MED13L: variants seen among roughly 807,000 people sequenced by gnomAD.
MED13L encodes mediator complex subunit 13L, also known as mediator of RNA polymerase II transcription subunit 13-like.
MED13L carries 7 observed loss-of-function variants against 220.9 expected under a neutral mutation model. The observed-to-expected ratio is 0.03, with a 90% CI of 0.02 to 0.06. The LOEUF (loss-of-function observed/expected upper bound fraction) is 0.06, where lower values mean the gene tolerates loss of function less well. MED13L is among the 10% of genes least tolerant of loss of function. The pLI is 1.00. For synonymous variants in MED13L, 1,011 were observed against 1,015.2 expected (o/e 1.00, Z 0.08); for missense variants, 1,965 against 2,760.5 (o/e 0.71, Z 6.46).
At chr12:116,031,896 A>G (rs1198907774) in intron 4 of MED13L, among the ~76,000 whole-genome samples, 1 of 152,086 alleles carries the variant, frequency 6.6e-6, no homozygotes, top group Admixed American at 6.5e-5. Flanking sequence ...TAGACAATAC[A>G]TAGACTAAGA....
chr12:116,029,702 G>A (rs1006786421), intron 4 of MED13L, among the ~76,000 whole-genome samples: 1 of 152,060 alleles, frequency 6.6e-6, no homozygotes, highest in Non-Finnish European at 1.5e-5. Context: ...TCATGAACAT[G>A]TACACAGCCA....
In MED13L at chr12:116,008,610, G is replaced by A. The variant is rs148895195; in HGVS notation, c.1803C>T (p.Leu601=). 1.4e-5 allele frequency: 22 copies of A among 1,613,944 alleles called. No homozygotes were observed. The highest frequency in any genetic ancestry group is 1.6e-4 in the Middle Eastern group (1 of 6,084). The part of the protein sequence containing the change: ...QLSTLDDRTV[L]VGQRLPLMAE... ...CCATGAGAGGCAGTCTTTGGCCTACGAGGACAGTTCTGTCATCCAGAGTAG... is the reference window on the plus strand; with the variant it reads ...CCATGAGAGGCAGTCTTTGGCCTACAAGGACAGTTCTGTCATCCAGAGTAG... Residue 601 remains leucine (L), a synonymous_variant, in exon 10 of 31, where the codon CTC becomes CTT. Coordinates refer to ENST00000281928, the MANE Select transcript of MED13L (RefSeq NM_015335.5).
intron 4 of MED13L, among the ~76,000 whole-genome samples, chr12:116,056,105 G>A (rs1868948695): frequency 2.0e-5 from 3 of 151,990 alleles, no homozygotes; most frequent in African/African-American, 7.3e-5. Flanking sequence ...AGTTTGTTAG[G>A]GTAGGACCCT....
intron 2 of MED13L, among the ~76,000 whole-genome samples, chr12:116,218,089 C>T (rs1049358917): frequency 6.6e-5 from 10 of 152,178 alleles, no homozygotes; most frequent in Admixed American, 6.6e-4. Flanking sequence ...TAAAGAGATT[C>T]AATAGCATAA....
rs186982996 is a variant in MED13L, at chr12:115,995,805, A to G, written c.2996+671T>C. ...TCTAACTCAAAGCCTGTTTTACAAT[A>G]AAGTGCTGACTATCTCGTGTAATTT... is the stretch of plus-strand genomic sequence containing the variant. On this transcript the variant is annotated intron_variant, in intron 16 of 30. Coordinates refer to ENST00000281928, the MANE Select transcript of MED13L (RefSeq NM_015335.5). Among the ~76,000 whole-genome samples, 259 of 152,312 alleles carry G rather than the reference A, an allele frequency of 1.7e-3. 1 individual carries two copies. Among genetic ancestry groups the G allele is most frequent in the Non-Finnish European group, 2.0e-3 (133 of 68,026 alleles).
chr12:116,101,733 T>C (rs1873081363), intron 3 of MED13L, among the ~76,000 whole-genome samples: 1 of 152,194 alleles, frequency 6.6e-6, no homozygotes, highest in African/African-American at 2.4e-5. Flanking sequence ...AAAAGTTACA[T>C]CAGAAATATA....
At chr12:116,043,327 G>A (rs963898789) in intron 4 of MED13L, among the ~76,000 whole-genome samples, 1 of 152,156 alleles carries the variant, frequency 6.6e-6, no homozygotes, top group Non-Finnish European at 1.5e-5. Flanking sequence ...TCCACTTTCA[G>A]TCAAGATCAC....
chr12:116,008,241 G>A, intron 10 of MED13L, 160 bp downstream of exon 10: 8 of 1,030,370 alleles, frequency 7.8e-6, no homozygotes, highest in Non-Finnish European at 9.6e-6. Context: ...CCTATAAGTA[G>A]GACAAAGCAT....
chr12:116,138,146 A>G (rs1876740442), intron 2 of MED13L, among the ~76,000 whole-genome samples: 1 of 152,128 alleles, frequency 6.6e-6, no homozygotes, highest in African/African-American at 2.4e-5. Context: ...GTGAGCCACC[A>G]CGCCCGGCCT....
chr12:116,108,568 A>C (rs1302888478), intron 3 of MED13L, among the ~76,000 whole-genome samples: 1 of 152,224 alleles, frequency 6.6e-6, no homozygotes, highest in Non-Finnish European at 1.5e-5. Flanking sequence ...ATTTTCATTC[A>C]TAGAACAAAG....
At chr12:116,054,859 T>A (rs150626023) in intron 4 of MED13L, among the ~76,000 whole-genome samples, 1 of 152,194 alleles carries the variant, frequency 6.6e-6, no homozygotes, top group Admixed American at 6.5e-5. Context: ...CCTAGGTATA[T>A]ACCCAATAGA....
intron 1 of MED13L, among the ~76,000 whole-genome samples, chr12:116,247,138 G>A (rs533239679): frequency 6.6e-6 from 1 of 151,952 alleles, no homozygotes; most frequent in Non-Finnish European, 1.5e-5. Context: ...TGCTTCTAAA[G>A]AAGGTAAAAT....
chr12:116,260,025 G>C (rs1872390495), intron 1 of MED13L, among the ~76,000 whole-genome samples: 1 of 152,164 alleles, frequency 6.6e-6, no homozygotes, highest in Non-Finnish European at 1.5e-5. Flanking sequence ...AGAAGAATTG[G>C]GGTAAATCTG....
intron 4 of MED13L, among the ~76,000 whole-genome samples, chr12:116,082,189 TTTTC>T (rs762885050): frequency 2.0e-4 from 30 of 152,338 alleles, no homozygotes; most frequent in Non-Finnish European, 3.5e-4. Context: ...TTCTTTCTAA[TTTTC>T]TTTATTTCAT....
At chr12:116,275,432 T>C (rs923796398) in intron 1 of MED13L, among the ~76,000 whole-genome samples, 3 of 152,224 alleles carry the variant, frequency 2.0e-5, no homozygotes, top group Admixed American at 6.5e-5. Context: ...CTGATTTTAC[T>C]AGAGTGGGAG....
At chr12:115,996,124 T>C (rs1422908700) in intron 16 of MED13L, among the ~76,000 whole-genome samples, 1 of 152,060 alleles carries the variant, frequency 6.6e-6, no homozygotes, top group Non-Finnish European at 1.5e-5. Flanking sequence ...AGAGTCTCAC[T>C]CTGTCGCCCA....
intron 2 of MED13L, among the ~76,000 whole-genome samples, chr12:116,193,442 C>G (rs924750373): frequency 6.6e-6 from 1 of 152,158 alleles, no homozygotes; most frequent in Non-Finnish European, 1.5e-5. Flanking sequence ...TAAACTCAAG[C>G]ACAAATATCA....
chr12:116,076,469 G>A (rs1021244942), intron 4 of MED13L, among the ~76,000 whole-genome samples: 2 of 152,114 alleles, frequency 1.3e-5, no homozygotes, highest in Admixed American at 6.5e-5. Flanking sequence ...CCCAGGAGTT[G>A]GAGGCTGCAG....
chr12:116,035,583 T>TATTA (rs540596214), intron 4 of MED13L, among the ~76,000 whole-genome samples: 3 of 152,026 alleles, frequency 2.0e-5, no homozygotes, highest in Non-Finnish European at 2.9e-5. Flanking sequence ...ACTATATTCT[T>TATTA]ATTAATTAAT....
Sources: allele counts gnomAD v4.1 joint callset (sites outside exome capture counted in the v4.1 genomes callset), GRCh38; gene constraint gnomAD v4.1.1; transcripts MANE v1.5; gene names NCBI Gene and HGNC (gene_info 2026-07-23, HGNC 2026-07-21).